ADAMTSL1: variants seen among roughly 807,000 people sequenced by gnomAD.
The protein encoded by ADAMTSL1 is ADAMTS-like protein 1.
In ADAMTSL1, 126 loss-of-function variants were observed where a neutral mutation model predicts 201.8. That is an observed-to-expected ratio of 0.62 (90% CI 0.54 to 0.72). ADAMTSL1 has a LOEUF of 0.72. Ranked by LOEUF, ADAMTSL1 falls within the 30% of genes least tolerant of loss-of-function variation. ADAMTSL1 has a pLI of 0.00. For missense variants in ADAMTSL1, 2,679 were observed against 2,277.8 expected, an observed-to-expected ratio of 1.18 and a Z score of -3.59; for synonymous variants, 1,121 against 903.4, an observed-to-expected ratio of 1.24 and a Z score of -4.32.
At chr9:18,670,979 A>G (rs191890652) in intron 9 of ADAMTSL1, among the ~76,000 whole-genome samples, 5 of 152,136 alleles carry the variant, frequency 3.3e-5, no homozygotes, top group Admixed American at 3.3e-4. Flanking sequence ...ACTTTAAATC[A>G]TCTCTAGATT....
intron 1 of ADAMTSL1, among the ~76,000 whole-genome samples, chr9:18,129,724 G>A (rs1321694029): frequency 6.6e-6 from 1 of 152,172 alleles, no homozygotes; most frequent in Non-Finnish European, 1.5e-5. Context: ...GAGAATGGAT[G>A]ACGATTAAAT....
chr9:18,437,742 C>A (rs552347205), intron 2 of ADAMTSL1, among the ~76,000 whole-genome samples: 8 of 152,202 alleles, frequency 5.3e-5, no homozygotes, highest in African/African-American at 1.7e-4. Context: ...CAGTGATAAG[C>A]AAGGCATTTC....
At chr9:18,219,434 C>G (rs1830174471) in intron 2 of ADAMTSL1, among the ~76,000 whole-genome samples, 1 of 151,750 alleles carries the variant, frequency 6.6e-6, no homozygotes, top group Non-Finnish European at 1.5e-5. Flanking sequence ...AGTGGCACAA[C>G]CTCGGCTCAC....
intron 26 of ADAMTSL1, among the ~76,000 whole-genome samples, chr9:18,900,691 T>A (rs548822331): frequency 1.3e-5 from 2 of 149,752 alleles, no homozygotes; most frequent in Admixed American, 1.4e-4. Flanking sequence ...CCAAACACCG[T>A]ATATTTCCAC....
chr9:18,032,703 C>T (rs1821020186), intron 1 of ADAMTSL1, among the ~76,000 whole-genome samples: 1 of 152,220 alleles, frequency 6.6e-6, no homozygotes, highest in African/African-American at 2.4e-5. Flanking sequence ...AGACCAAGCT[C>T]TTCCTCTACC....
At chr9:18,139,670 C>A (rs1478699719) in intron 1 of ADAMTSL1, among the ~76,000 whole-genome samples, 1 of 152,070 alleles carries the variant, frequency 6.6e-6, no homozygotes, top group East Asian at 1.9e-4. Flanking sequence ...TATAGCTATC[C>A]TATGTGACTG....
At chr9:18,106,905 C>T (rs187791418) in intron 1 of ADAMTSL1, among the ~76,000 whole-genome samples, 1 of 152,230 alleles carries the variant, frequency 6.6e-6, no homozygotes, top group African/African-American at 2.4e-5. Flanking sequence ...ATTGCCAACG[C>T]CATGTATTAG....
intron 2 of ADAMTSL1, among the ~76,000 whole-genome samples, chr9:18,505,626 G>T (rs191697619): frequency 6.8e-4 from 103 of 152,254 alleles, no homozygotes; most frequent in African/African-American, 2.3e-3. Flanking sequence ...ACTCCTTCTT[G>T]AGCTGTGTGG....
intron 9 of ADAMTSL1, among the ~76,000 whole-genome samples, chr9:18,664,071 G>A (rs548687975): frequency 3.9e-5 from 6 of 152,044 alleles, no homozygotes; most frequent in Non-Finnish European, 7.4e-5. Context: ...AGAAAAAATA[G>A]GCAAATGTCA....
rs370905002 is a variant in ADAMTSL1, at chr9:18,438,910, G to A, written c.208-65919G>A. ...GGCACATGCAGCCTCGATTCACACC[G>A]GCTTAGCTCCAGTCCCGAGCCTTTG... On this transcript the variant is annotated intron_variant, in intron 2 of 29. Coordinates refer to the ADAMTSL1 transcript ENST00000680146. Among the ~76,000 whole-genome samples the A allele has an allele frequency of 5.9e-5, 9 of 151,950 alleles. No homozygotes were observed. The East Asian group carries it at 9.7e-4, about 16-fold the overall frequency.
chr9:18,824,180 A>ATT (rs5896809), intron 21 of ADAMTSL1, among the ~76,000 whole-genome samples: 37 of 149,790 alleles, frequency 2.5e-4, no homozygotes, highest in African/African-American at 4.9e-4. Context: ...AATGCCGTGG[A>ATT]TTTTTTTTTT....
intron 2 of ADAMTSL1, among the ~76,000 whole-genome samples, chr9:18,297,213 G>C (rs893696549): frequency 6.6e-6 from 1 of 152,126 alleles, no homozygotes; most frequent in Non-Finnish European, 1.5e-5. Flanking sequence ...GATTACTGGG[G>C]ATTGCCAGGG....
chr9:18,541,363 A>G (rs1820133349), intron 3 of ADAMTSL1, among the ~76,000 whole-genome samples: 1 of 152,084 alleles, frequency 6.6e-6, no homozygotes, highest in Non-Finnish European at 1.5e-5. Flanking sequence ...TATAAAAATT[A>G]TCTTGATGTT....
At chr9:17,967,623 G>A (rs948339012) in intron 1 of ADAMTSL1, among the ~76,000 whole-genome samples, 7 of 152,140 alleles carry the variant, frequency 4.6e-5, no homozygotes, top group Admixed American at 3.9e-4. Flanking sequence ...GCCATAGTTA[G>A]TCTTTTAGTT....
chr9:18,001,739 C>G (rs1346103247), intron 1 of ADAMTSL1, among the ~76,000 whole-genome samples: 2 of 151,890 alleles, frequency 1.3e-5, no homozygotes, highest in East Asian at 1.9e-4. Flanking sequence ...TTTGAGGGAG[C>G]AGAGGTTGGG....
At chr9:18,334,963 G>T (rs7021177) in intron 2 of ADAMTSL1, among the ~76,000 whole-genome samples, 79,886 of 151,932 alleles carry the variant, frequency 0.53, 21,362 homozygotes, top group Admixed American at 0.64. Context: ...CCAAGACAGA[G>T]CCTCATGCAT....
At chr9:18,044,550 GC>G (rs2131643401) in intron 1 of ADAMTSL1, among the ~76,000 whole-genome samples, 1 of 152,218 alleles carries the variant, frequency 6.6e-6, no homozygotes, top group East Asian at 1.9e-4. Context: ...GATTGGATTG[GC>G]TTTTTATTTC....
chr9:18,036,310 C>G (rs1052163489), intron 1 of ADAMTSL1, among the ~76,000 whole-genome samples: 1 of 152,210 alleles, frequency 6.6e-6, no homozygotes, highest in Non-Finnish European at 1.5e-5. Flanking sequence ...ATGGAATTTT[C>G]ACTTTTCCCA....
At chr9:18,102,176 C>G (rs1447292485) in intron 1 of ADAMTSL1, among the ~76,000 whole-genome samples, 1 of 152,228 alleles carries the variant, frequency 6.6e-6, no homozygotes, top group Non-Finnish European at 1.5e-5. Flanking sequence ...TTGCTGTCTT[C>G]TAACCTAAGC....
Sources: allele counts gnomAD v4.1 joint callset (sites outside exome capture counted in the v4.1 genomes callset), GRCh38; gene constraint gnomAD v4.1.1; transcripts MANE v1.5; gene names NCBI Gene and HGNC (gene_info 2026-07-23, HGNC 2026-07-21).